The following EXPH5 variants were observed in gnomAD, a reference collection of about 807,000 sequenced individuals.
The protein encoded by EXPH5 is exophilin 5.
EXPH5 carries 42 observed loss-of-function variants against 41.1 expected under a neutral mutation model. That is an observed-to-expected ratio of 1.02 (90% CI 0.80 to 1.32). The LOEUF is 1.32. Ranked by LOEUF, EXPH5 falls within the 40% of genes most tolerant of loss-of-function variation. The pLI is 0.00. For synonymous variants in EXPH5, 798 were observed against 833.5 expected (o/e 0.96, Z 0.73); for missense variants, 2,298 against 2,314.5 (o/e 0.99, Z 0.15).
intron 4 of EXPH5, among the ~76,000 whole-genome samples, chr11:108,523,458 T>C (rs531420975): frequency 2.6e-5 from 4 of 152,338 alleles, no homozygotes; most frequent in Non-Finnish European, 5.9e-5. Context: ...TATCTTCAGT[T>C]AGATGGTAAA....
chr11:108,513,519 G>A lies in EXPH5; in HGVS notation c.1988C>T (p.Ser663Phe). The A allele has an allele frequency of 1.2e-6, 2 of 1,614,220 alleles. No individual in the cohort carries two copies. Among genetic ancestry groups the A allele is most frequent in the African/African-American group, 1.3e-5 (1 of 75,054 alleles). The part of the protein sequence containing the change: ...LQKIFPNKPA[S>F]HPMRSHTEVT... Reference sequence around the variant, plus strand: ...TTCTGTATGGCTTCTCATTGGATGAGAGGCAGGCTTATTTGGAAAAATTTT... The same window carrying A: ...TTCTGTATGGCTTCTCATTGGATGAAAGGCAGGCTTATTTGGAAAAATTTT... The change falls in exon 6 of 6, where the codon TCT becomes TTT. Residue 663 changes from serine (S) to phenylalanine (F), a missense_variant. By Grantham distance (155) the Ser-to-Phe change is radical (BLOSUM62 -2). Transcript: ENST00000265843.
At chr11:108,532,182 T>A (rs77262813) in intron 3 of EXPH5, among the ~76,000 whole-genome samples, 1 of 108,236 alleles carries the variant, frequency 9.2e-6, no homozygotes, top group East Asian at 2.0e-4. Context: ...CCATAGAGAA[T>A]TTTTTTTTTT....
At chr11:108,540,743 T>A (rs2093908186) in intron 2 of EXPH5, among the ~76,000 whole-genome samples, 2 of 152,146 alleles carry the variant, frequency 1.3e-5, no homozygotes, top group Non-Finnish European at 2.9e-5. Flanking sequence ...TCATGGAGTT[T>A]ACCAAAGTTC....
At position 108,511,852 on chromosome 11, in the gene EXPH5, C is replaced by T. The variant is rs530355789; in HGVS notation, c.3655G>A (p.Gly1219Arg). ...TGTAATGTTTTCCCACGTTCTTTTC[C>T]TGACAAGTCTGAGCAAAAAGGTAAA... is the stretch of plus-strand genomic sequence containing the variant. ...DPLPFCSDLSGKERGKTLHKV... is the reference protein window; with the variant it reads ...DPLPFCSDLSRKERGKTLHKV... The change falls in exon 6 of 6, where the codon GGA becomes AGA. Residue 1219 changes from glycine (G) to arginine (R), a missense_variant. Gly to Arg is a moderately radical substitution (Grantham distance 125). Transcript: ENST00000265843. 26 of 1,588,470 alleles carry T rather than the reference C, an allele frequency of 1.6e-5. No individual in the cohort carries two copies. The African/African-American group carries it at 2.2e-4, about 13-fold the overall frequency.
chr11:108,604,994 A>G, the EXPH5 span, among the ~76,000 whole-genome samples: 7 of 152,172 alleles, frequency 4.6e-5, no homozygotes, highest in African/African-American at 1.7e-4. Context: ...CTTAGAAGGA[A>G]TTGAGAGTAA....
At chr11:108,519,875 C>T (rs1755321239) in intron 4 of EXPH5, among the ~76,000 whole-genome samples, 1 of 144,096 alleles carries the variant, frequency 6.9e-6, no homozygotes, top group African/African-American at 2.5e-5. Context: ...CGCTTGAACC[C>T]GGGAGGCGGA....
chr11:108,601,033 A>G, the EXPH5 span, among the ~76,000 whole-genome samples: 821 of 152,344 alleles, frequency 5.4e-3, 7 homozygotes, highest in African/African-American at 0.018. Flanking sequence ...ACTGTTCACC[A>G]TACAGGGGCT....
At chr11:108,516,438 T>C (rs1219009346) in intron 5 of EXPH5, among the ~76,000 whole-genome samples, 1 of 152,216 alleles carries the variant, frequency 6.6e-6, no homozygotes, top group Non-Finnish European at 1.5e-5. Flanking sequence ...TAAAAACCCA[T>C]TAGATTTTGA....
chr11:108,576,964 A>T (rs1214992109), intron 1 of EXPH5, among the ~76,000 whole-genome samples: 1 of 152,188 alleles, frequency 6.6e-6, no homozygotes, highest in African/African-American at 2.4e-5. Flanking sequence ...GCTCCCATAT[A>T]TGAGTGAGAA....
chr11:108,574,626 A>G (rs1249513338), intron 1 of EXPH5, among the ~76,000 whole-genome samples: 3 of 152,192 alleles, frequency 2.0e-5, no homozygotes, highest in African/African-American at 7.2e-5. Flanking sequence ...TTTTGTTGTC[A>G]ACATCAGAGT....
At chr11:108,589,799 C>G (rs1198736648) in intron 1 of EXPH5, among the ~76,000 whole-genome samples, 1 of 152,152 alleles carries the variant, frequency 6.6e-6, no homozygotes, top group Non-Finnish European at 1.5e-5. Flanking sequence ...ATTATAAATT[C>G]TGGCTCTGCT....
In EXPH5 at chr11:108,510,823, A is replaced by T. The variant is rs2093674565; in HGVS notation, c.4684T>A (p.Ser1562Thr). ...GGAAGTGAAGGTTGATCCCAAGCTG[A>T]CTTCTGCATTTCATCTTCAGCCTTC... ...SRKAEDEMQKSAWDQPSLPEG... is the reference protein window; with the variant it reads ...SRKAEDEMQKTAWDQPSLPEG... Residue 1562 changes from serine (S) to threonine (T), a missense_variant, in exon 6 of 6, where the codon TCA becomes ACA. Physicochemically the swap from Ser to Thr is moderately conservative, Grantham distance 58. Transcript: ENST00000265843. The T allele has an allele frequency of 1.2e-6, 2 of 1,614,124 alleles. No homozygotes were observed. Among genetic ancestry groups the T allele is most frequent in the Non-Finnish European group, 1.7e-6 (2 of 1,180,014 alleles).
intron 3 of EXPH5, among the ~76,000 whole-genome samples, chr11:108,537,451 A>G (rs560772034): frequency 6.6e-6 from 1 of 152,342 alleles, no homozygotes; most frequent in South Asian, 2.1e-4. Context: ...CTAAACACAC[A>G]TAAATATATT....
chr11:108,600,858 G>A, the EXPH5 span, among the ~76,000 whole-genome samples: 4 of 152,110 alleles, frequency 2.6e-5, no homozygotes, highest in African/African-American at 9.7e-5. Context: ...GGTGTTTATT[G>A]TCTAGTGACA....
intron 1 of EXPH5, among the ~76,000 whole-genome samples, chr11:108,573,820 G>A (rs2094070914): frequency 6.6e-6 from 1 of 152,178 alleles, no homozygotes; most frequent in African/African-American, 2.4e-5. Context: ...TGAAGCAGGA[G>A]GATCACTTGA....
At chr11:108,538,310 G>A (rs2093892504) in intron 3 of EXPH5, 7 of 937,174 alleles carry the variant, frequency 7.5e-6, no homozygotes, top group African/African-American at 1.8e-5. Context: ...AAGACATGCC[G>A]AAAATATTTA....
chr11:108,596,929 G>A (rs1204471313), upstream of EXPH5, among the ~76,000 whole-genome samples: 1 of 152,194 alleles, frequency 6.6e-6, no homozygotes, highest in Non-Finnish European at 1.5e-5. Flanking sequence ...TTTAGCCGGA[G>A]GCAAGCAGCC....
At chr11:108,532,354 ATATATATATATATTTTTTTTTTTTT>A (rs1217295417) in intron 3 of EXPH5, among the ~76,000 whole-genome samples, 1 of 23,004 alleles carries the variant, frequency 4.3e-5, no homozygotes, top group African/African-American at 1.9e-4. Context: ...ATATATATAT[ATATATATATATATTTTTTTTTTTTT>A]TTTTTTTTTT....
At chr11:108,516,232 G>C (rs995466881) in intron 5 of EXPH5, among the ~76,000 whole-genome samples, 1 of 152,152 alleles carries the variant, frequency 6.6e-6, no homozygotes, top group Admixed American at 6.5e-5. Context: ...AGCAAAGTCA[G>C]GGAGTGGTGT....
Sources: gnomAD v4.1 joint callset for allele counts (sites outside exome capture counted in the v4.1 genomes callset) on GRCh38, gnomAD v4.1.1 for gene constraint, MANE v1.5 for transcripts, NCBI Gene and HGNC (gene_info 2026-07-23, HGNC 2026-07-21) for gene names.